ANKMY1: variants seen among roughly 807,000 people sequenced by gnomAD.
ANKMY1 encodes ankyrin repeat and MYND domain containing 1, also known as ankyrin repeat and MYND domain-containing protein 1.
A neutral mutation model predicts 102.0 loss-of-function variants in ANKMY1; 98 were observed. The observed-to-expected ratio is 0.96, with a 90% CI of 0.82 to 1.14. ANKMY1 has a LOEUF of 1.14. Among genes scored for constraint, ANKMY1 ranks in the 50% most tolerant of loss-of-function variants. The probability of loss-of-function intolerance (pLI) is 0.00; values close to 1 mark genes in which losing one functional copy is unlikely to be tolerated. For missense variants in ANKMY1, 1,330 were observed against 1,347.6 expected, an observed-to-expected ratio of 0.99 and a Z score of 0.20; for synonymous variants, 582 against 559.9, an observed-to-expected ratio of 1.04 and a Z score of -0.56.
chr2:240,479,383 C>T, downstream of ANKMY1: 3 of 609,296 alleles, frequency 4.9e-6, no homozygotes, highest in Non-Finnish European at 8.7e-6. Flanking sequence ...TCCACAAAAG[C>T]TCTGGGACTT....
intron 11 of ANKMY1, 32 bp from the exon 12 acceptor site, chr2:240,509,487 C>T: frequency 6.8e-7 from 1 of 1,477,090 alleles, no homozygotes; most frequent in South Asian, 1.2e-5. Flanking sequence ...GTTAGAGAGG[C>T]ACCCCCACCC....
intron 4 of ANKMY1, among the ~76,000 whole-genome samples, chr2:240,547,372 G>A (rs2090599000): frequency 6.6e-6 from 1 of 151,766 alleles, no homozygotes; most frequent in Non-Finnish European, 1.5e-5. Flanking sequence ...AGCGTGTAGA[G>A]GGAAATTTAT....
intron 9 of ANKMY1, among the ~76,000 whole-genome samples, chr2:240,517,279 T>G (rs1438924646): frequency 6.6e-6 from 1 of 152,200 alleles, no homozygotes; most frequent in Non-Finnish European, 1.5e-5. Flanking sequence ...GCCTCATACC[T>G]TGTCTATGCA....
chr2:240,481,892 C>A (rs928728170), intron 16 of ANKMY1, among the ~76,000 whole-genome samples: 1 of 152,156 alleles, frequency 6.6e-6, no homozygotes, highest in Non-Finnish European at 1.5e-5. Context: ...GAGGTGGCCA[C>A]CCTCCTGCAG....
rs545298256 is a variant in ANKMY1 at position 240,544,837 on chromosome 2, G to A, written c.480+8077C>T. Among the ~76,000 whole-genome samples the A allele has an allele frequency of 7.2e-5, 11 of 152,284 alleles. 1 individual carries two copies. Among genetic ancestry groups the A allele is most frequent in the South Asian group, 2.1e-4 (1 of 4,818 alleles). On this transcript the variant is annotated intron_variant, in intron 4 of 17. Coordinates refer to ENST00000401804, the MANE Select transcript of ANKMY1 (RefSeq NM_001282771.3). ...ACGGCGCACCAGGAGATTACATCCC[G>A]CACCTGGCTCGGAGGGTCCTACGCC...
At chr2:240,492,705 A>T (rs2076789582) in intron 15 of ANKMY1, among the ~76,000 whole-genome samples, 1 of 151,940 alleles carries the variant, frequency 6.6e-6, no homozygotes, top group South Asian at 2.1e-4. Context: ...TTTTTTTTAA[A>T]TTTGAGACAG....
At chr2:240,557,391 C>T (rs772608574) in intron 1 of ANKMY1, 39 bp from the exon 2 acceptor site, 7 of 1,415,910 alleles carry the variant, frequency 4.9e-6, no homozygotes, top group Admixed American at 2.7e-5. Context: ...GCCCCCAGGG[C>T]TCCCGCCGCG....
At chr2:240,500,994 G>A (rs112321245) in intron 13 of ANKMY1, among the ~76,000 whole-genome samples, 6 of 152,202 alleles carry the variant, frequency 3.9e-5, no homozygotes, top group African/African-American at 1.2e-4. Context: ...GAGTGCACGC[G>A]TATGCTTGTA....
chr2:240,500,954 G>T (rs375746150), intron 13 of ANKMY1, among the ~76,000 whole-genome samples: 1 of 152,208 alleles, frequency 6.6e-6, no homozygotes, highest in Non-Finnish European at 1.5e-5. Context: ...ATCCCAACAC[G>T]CCAGGGGGCA....
chr2:240,555,256 G>A (rs1287751221), intron 2 of ANKMY1: 1 of 607,290 alleles, frequency 1.6e-6, no homozygotes, highest in Non-Finnish European at 2.9e-6. Flanking sequence ...CACAGGAAGT[G>A]GAATGCACAG....
intron 14 of ANKMY1, 87 bp from the exon 15 acceptor site, chr2:240,500,210 G>C (rs1446796612): frequency 1.4e-6 from 2 of 1,441,594 alleles, no homozygotes; most frequent in Admixed American, 4.9e-5. Context: ...GCTCCTGTCA[G>C]CTCTTGTGAT....
rs2079029659 is a variant in ANKMY1 at position 240,506,131 on chromosome 2, CCCCCTAACCCCGGATGAGGCGCTGGGAG to C, written c.2526+1401_2526+1428del. Among the ~76,000 whole-genome samples the C allele has an allele frequency of 6.6e-6, 1 of 152,010 alleles. No homozygotes were observed. The highest frequency in any genetic ancestry group is 1.9e-4 in the East Asian group (1 of 5,162). ...CAACCCTGGACAAGTCGCTGGGAAG[CCCCCTAACCCCGGATGAGGCGCTGGGAG>C]CCCCCAACCCCGGACGAAGGACTAT... is the stretch of plus-strand genomic sequence containing the variant. On this transcript the variant is annotated intron_variant, in intron 13 of 17. Coordinates refer to ENST00000401804, the MANE Select transcript of ANKMY1 (RefSeq NM_001282771.3). This position sits in a 1 kb window ranked among gnomAD's most constrained non-coding sequence, Gnocchi z 4.9.
chr2:240,532,071 G>A (rs1462666164), intron 4 of ANKMY1: 1 of 467,806 alleles, frequency 2.1e-6, no homozygotes. Context: ...TGAGGCACAG[G>A]CAATATTTGA....
chr2:240,542,919 A>G (rs754024788), intron 4 of ANKMY1, among the ~76,000 whole-genome samples: 2 of 150,250 alleles, frequency 1.3e-5, no homozygotes, highest in South Asian at 4.2e-4. Context: ...ATTTTCATTA[A>G]GTAATAAGTA....
intron 4 of ANKMY1, among the ~76,000 whole-genome samples, chr2:240,545,595 G>A (rs2090175904): frequency 6.6e-6 from 1 of 152,190 alleles, no homozygotes; most frequent in South Asian, 2.1e-4. Flanking sequence ...CAAAGGCAAA[G>A]AAGTTGAAAA....
chr2:240,469,482 A>T, the ANKMY1 span, among the ~76,000 whole-genome samples: 1 of 152,006 alleles, frequency 6.6e-6, no homozygotes, highest in South Asian at 2.1e-4. Flanking sequence ...AAACTGACCC[A>T]CCCACACTGA....
chr2:240,470,248 TGGAA>T, the ANKMY1 span, among the ~76,000 whole-genome samples: 1 of 152,220 alleles, frequency 6.6e-6, no homozygotes, highest in Non-Finnish European at 1.5e-5. Flanking sequence ...ACTGAAATCA[TGGAA>T]GGACCATAAC....
intron 8 of ANKMY1, 173 bp downstream of exon 8, chr2:240,523,712 C>T: frequency 1.8e-6 from 2 of 1,134,520 alleles, no homozygotes; most frequent in South Asian, 1.6e-5. Context: ...GTGGCACCCC[C>T]ACAGGGCTGG....
upstream of ANKMY1, chr2:240,561,046 A>G: frequency 6.6e-7 from 1 of 1,512,116 alleles, no homozygotes; most frequent in South Asian, 1.2e-5. Flanking sequence ...CTCATGCGGC[A>G]CCGCGGCCTC....
Sources: gnomAD v4.1 joint callset for allele counts (sites outside exome capture counted in the v4.1 genomes callset) on GRCh38, gnomAD v4.1.1 for gene constraint, Gnocchi (gnomAD v3.1) non-coding constraint, MANE v1.5 for transcripts, NCBI Gene and HGNC (gene_info 2026-07-23, HGNC 2026-07-21) for gene names.